The following C5orf63 variants were observed in gnomAD, a reference collection of about 807,000 sequenced individuals.
The protein encoded by C5orf63 is chromosome 5 open reading frame 63.
A neutral mutation model predicts 13.3 loss-of-function variants in C5orf63; 18 were observed. The ratio of observed to expected loss-of-function variants is 1.36; its 90% CI spans 0.94 to 2.01. C5orf63 has a LOEUF of 2.01. Ranked by LOEUF, C5orf63 falls within the 30% of genes most tolerant of loss-of-function variation. The pLI is 0.00. For synonymous variants in C5orf63, 38 were observed against 44.7 expected (o/e 0.85, Z 0.60); for missense variants, 118 against 127.7 (o/e 0.92, Z 0.36).
intron 3 of C5orf63, among the ~76,000 whole-genome samples, chr5:127,057,612 C>A (rs1561489899): frequency 6.6e-6 from 1 of 152,206 alleles, no homozygotes; most frequent in African/African-American, 2.4e-5. Context: ...TTCCTTGCAA[C>A]CCCCAAGTCA....
exon 5 of C5orf63, chr5:127,045,820 G>A (rs1753509420): frequency 6.6e-6 from 1 of 152,206 alleles, no homozygotes; most frequent in African/African-American, 2.4e-5. Flanking sequence ...GCAAGACTCT[G>A]AGAGTAGGAA....
chr5:127,054,749 A>C (rs1244613154), intron 3 of C5orf63, among the ~76,000 whole-genome samples: 3 of 152,236 alleles, frequency 2.0e-5, no homozygotes, highest in East Asian at 1.9e-4. Flanking sequence ...AATTAGATCC[A>C]GTTAGCCTAT....
chr5:127,045,532 T>G (rs1255075267), exon 5 of C5orf63: 3 of 152,198 alleles, frequency 2.0e-5, no homozygotes, highest in African/African-American at 7.2e-5. Flanking sequence ...TAATGCAATA[T>G]AATTTTCCCA....
chr5:127,054,930 G>A (rs560823094), intron 3 of C5orf63, among the ~76,000 whole-genome samples: 1 of 152,262 alleles, frequency 6.6e-6, no homozygotes, highest in Non-Finnish European at 1.5e-5. Context: ...GTAAGGAAGG[G>A]ATCCAGTTTC....
intron 2 of C5orf63, among the ~76,000 whole-genome samples, chr5:127,067,320 T>C (rs565657475): frequency 2.0e-5 from 3 of 152,358 alleles, no homozygotes; most frequent in East Asian, 3.9e-4. Context: ...ATAATGATTC[T>C]ATTGACTGAA....
At chr5:127,053,804 G>A (rs1753778451) in intron 3 of C5orf63, among the ~76,000 whole-genome samples, 1 of 152,150 alleles carries the variant, frequency 6.6e-6, no homozygotes, top group Non-Finnish European at 1.5e-5. Flanking sequence ...TGGTGTATAT[G>A]TGCCATATTT....
chr5:127,059,146 A>C, intron 2 of C5orf63, 144 bp from the exon 3 acceptor site: 1 of 631,132 alleles, frequency 1.6e-6, no homozygotes, highest in South Asian at 1.9e-5. Flanking sequence ...AAGACCTATA[A>C]ATTTGGCAAG....
chr5:127,066,384 G>A (rs1754337395), intron 2 of C5orf63, among the ~76,000 whole-genome samples: 3 of 152,150 alleles, frequency 2.0e-5, no homozygotes, highest in South Asian at 2.1e-4. Flanking sequence ...GAGCAGGGAC[G>A]CAGGTAGAAG....
At chr5:127,059,465 C>T (rs1354024472) in intron 2 of C5orf63, among the ~76,000 whole-genome samples, 1 of 152,146 alleles carries the variant, frequency 6.6e-6, no homozygotes, top group Non-Finnish European at 1.5e-5. Context: ...CCATGGCTCA[C>T]ACCTGTAATC....
intron 3 of C5orf63, among the ~76,000 whole-genome samples, chr5:127,054,629 G>C (rs192771460): frequency 1.3e-5 from 2 of 152,286 alleles, no homozygotes; most frequent in African/African-American, 4.8e-5. Context: ...GTAGATTCTG[G>C]ATATTAGCCC....
intron 2 of C5orf63, among the ~76,000 whole-genome samples, chr5:127,059,209 T>C (rs1754005303): frequency 2.0e-5 from 3 of 152,186 alleles, no homozygotes; most frequent in African/African-American, 7.2e-5. Flanking sequence ...GAATTTAGAA[T>C]AGAAAAAAAT....
Position 127,071,609 on chromosome 5 carries a change from G to T in C5orf63, c.-33C>A, listed in dbSNP as rs920877683. ...CTGATCCAGATGATTTCTCCCCTTC[G>T]AAATAATTGCAAACAAGATTAAAAC... On this transcript the variant is annotated 5_prime_UTR_variant, in exon 2 of 5. Transcript: ENST00000296662. The T allele has an allele frequency of 6.6e-6, 1 of 152,152 alleles. No homozygotes were observed. The highest frequency in any genetic ancestry group is 1.5e-5 in the Non-Finnish European group (1 of 68,028). 9.4% of individuals were successfully genotyped at this position (152,152 alleles called of 1,614,324 possible).
downstream of C5orf63, among the ~76,000 whole-genome samples, chr5:127,048,372 C>G (rs1018620948): frequency 1.3e-5 from 2 of 152,070 alleles, no homozygotes; most frequent in Admixed American, 1.3e-4. Context: ...GCTTGCTAAA[C>G]TATCTCTTGC....
intron 2 of C5orf63, among the ~76,000 whole-genome samples, chr5:127,069,268 T>C (rs1754443277): frequency 6.6e-6 from 1 of 152,224 alleles, no homozygotes; most frequent in Non-Finnish European, 1.5e-5. Context: ...CCTTTCCACA[T>C]TATCCTTCTT....
chr5:127,049,380 C>T (rs905323312), downstream of C5orf63, among the ~76,000 whole-genome samples: 4 of 152,246 alleles, frequency 2.6e-5, no homozygotes, highest in South Asian at 6.2e-4. Flanking sequence ...TTTACATATA[C>T]TGTTCCCTTG....
At chr5:127,047,486 C>T, downstream of C5orf63, 1 of 520,384 alleles carries the variant, frequency 1.9e-6, no homozygotes, top group Non-Finnish European at 3.4e-6. Context: ...TGCTGAAGAT[C>T]TGCAGGATTC....
intron 2 of C5orf63, among the ~76,000 whole-genome samples, chr5:127,069,231 A>C (rs4141170): frequency 0.099 from 15,004 of 152,256 alleles, 1,189 homozygotes; most frequent in African/African-American, 0.22. Flanking sequence ...GGGATGGGAA[A>C]AAAGTATATA....
downstream of C5orf63, among the ~76,000 whole-genome samples, chr5:127,050,175 A>G (rs922235411): frequency 2.6e-5 from 4 of 152,162 alleles, no homozygotes; most frequent in African/African-American, 9.7e-5. Context: ...CACAGCAGTG[A>G]TATTTCCACC....
intron 3 of C5orf63, among the ~76,000 whole-genome samples, chr5:127,055,918 G>T (rs1230060596): frequency 2.0e-5 from 3 of 151,996 alleles, no homozygotes; most frequent in African/African-American, 7.3e-5. Context: ...ATGAGGAAAG[G>T]CTCATCAAAT....
Sources: gnomAD v4.1 joint callset for allele counts (sites outside exome capture counted in the v4.1 genomes callset) on GRCh38, gnomAD v4.1.1 for gene constraint, MANE v1.5 for transcripts, NCBI Gene and HGNC (gene_info 2026-07-23, HGNC 2026-07-21) for gene names.